MAGI2: variants seen among roughly 807,000 people sequenced by gnomAD.
MAGI2 encodes membrane associated guanylate kinase, WW and PDZ domain containing 2.
In MAGI2, 35 loss-of-function variants were observed where a neutral mutation model predicts 133.3. The ratio of observed to expected loss-of-function variants is 0.26; its 90% CI spans 0.20 to 0.35. The LOEUF is 0.35. MAGI2 is among the 10% of genes least tolerant of loss of function. The probability of loss-of-function intolerance (pLI) is 1.00; values close to 1 mark genes in which losing one functional copy is unlikely to be tolerated. For missense variants in MAGI2, 1,636 were observed against 1,863.4 expected, an observed-to-expected ratio of 0.88 and a Z score of 2.25; for synonymous variants, 729 against 710.6, an observed-to-expected ratio of 1.03 and a Z score of -0.41.
At chr7:78,835,341 A>G (rs1791521431) in intron 2 of MAGI2, among the ~76,000 whole-genome samples, 1 of 152,244 alleles carries the variant, frequency 6.6e-6, no homozygotes, top group South Asian at 2.1e-4. Flanking sequence ...AAGTAATTAC[A>G]TAATTCTATA....
In MAGI2 at chr7:78,284,253, A is replaced by ATTTTT. The variant is rs571746740; in HGVS notation, c.1409-27677_1409-27673dup. Among the ~76,000 whole-genome samples, 35 of 152,116 alleles carry ATTTTT rather than the reference A, an allele frequency of 2.3e-4. No homozygotes were observed. The East Asian group carries it at 6.4e-3, about 28-fold the overall frequency. On this transcript the variant is annotated intron_variant, in intron 9 of 21. Coordinates refer to ENST00000354212, the MANE Select transcript of MAGI2 (RefSeq NM_012301.4). ...TTTTTTTAAGAACCAGTTTCTAGTTATTTTTTGACATTTTAAATATGAAAA... is the reference window on the plus strand; with the variant it reads ...TTTTTTTAAGAACCAGTTTCTAGTTATTTTTTTTTTTGACATTTTAAATATGAAAA...
At chr7:78,800,892 C>G (rs180943052) in intron 2 of MAGI2, among the ~76,000 whole-genome samples, 1 of 152,076 alleles carries the variant, frequency 6.6e-6, no homozygotes, top group Non-Finnish European at 1.5e-5. Context: ...CTTACCTGAC[C>G]ATGAATGGCA....
At chr7:79,224,805 A>T (rs566710183) in intron 1 of MAGI2, among the ~76,000 whole-genome samples, 5 of 152,312 alleles carry the variant, frequency 3.3e-5, no homozygotes, top group Admixed American at 3.3e-4. Context: ...GGTCACCAGG[A>T]ACTGAGGTAG....
At chr7:78,627,851 G>A (rs1330930799) in intron 2 of MAGI2, among the ~76,000 whole-genome samples, 1 of 152,140 alleles carries the variant, frequency 6.6e-6, no homozygotes, top group Non-Finnish European at 1.5e-5. Context: ...GTGTGAGGCT[G>A]GGAATATAGT....
intron 20 of MAGI2, among the ~76,000 whole-genome samples, chr7:78,112,721 A>G (rs1267640120): frequency 6.6e-6 from 1 of 152,218 alleles, no homozygotes; most frequent in Non-Finnish European, 1.5e-5. Context: ...CCCCAGGTAC[A>G]CAGCCCTGGG....
chr7:78,125,300 T>C (rs1464313223), intron 20 of MAGI2, among the ~76,000 whole-genome samples: 1 of 152,102 alleles, frequency 6.6e-6, no homozygotes, highest in African/African-American at 2.4e-5. Flanking sequence ...CGCAAAACCA[T>C]GTGATTAATC....
chr7:78,375,602 GTTC>G (rs765666586), intron 6 of MAGI2, among the ~76,000 whole-genome samples: 1 of 151,920 alleles, frequency 6.6e-6, no homozygotes, highest in Non-Finnish European at 1.5e-5. Flanking sequence ...AAAATTTGAG[GTTC>G]TTGTTTGATT....
chr7:78,077,076 G>C (rs181558015), intron 21 of MAGI2, among the ~76,000 whole-genome samples: 1 of 152,040 alleles, frequency 6.6e-6, no homozygotes, highest in Non-Finnish European at 1.5e-5. Flanking sequence ...CTGAGAAAGC[G>C]GGGACCAATA....
intron 1 of MAGI2, among the ~76,000 whole-genome samples, chr7:79,189,591 T>A (rs888590581): frequency 9.9e-5 from 15 of 151,812 alleles, no homozygotes; most frequent in African/African-American, 3.1e-4. Flanking sequence ...CAATATGTTA[T>A]ATTTGTTATA....
chr7:78,796,081 T>G (rs2151378349), intron 2 of MAGI2, among the ~76,000 whole-genome samples: 1 of 152,084 alleles, frequency 6.6e-6, no homozygotes, highest in South Asian at 2.1e-4. Flanking sequence ...TGGGGAAAAA[T>G]TTTTGGGGTG....
intron 21 of MAGI2, among the ~76,000 whole-genome samples, chr7:78,020,911 C>T (rs1193486220): frequency 6.6e-6 from 1 of 151,956 alleles, no homozygotes; most frequent in Non-Finnish European, 1.5e-5. Context: ...TATGGAGGGC[C>T]CCAGGACTAA....
chr7:79,389,217 A>G (rs10485956), intron 1 of MAGI2, among the ~76,000 whole-genome samples: 7,230 of 152,114 alleles, frequency 0.048, 342 homozygotes, highest in East Asian at 0.18. Flanking sequence ...TAATTTTAAC[A>G]TTGACAGATA....
At chr7:78,899,417 A>AT (rs2151589136) in intron 2 of MAGI2, among the ~76,000 whole-genome samples, 1 of 152,294 alleles carries the variant, frequency 6.6e-6, no homozygotes, top group East Asian at 1.9e-4. Context: ...CCTTGATGTG[A>AT]TGGAAGGAAA....
intron 1 of MAGI2, among the ~76,000 whole-genome samples, chr7:79,214,920 T>G (rs1220777199): frequency 6.8e-6 from 1 of 146,948 alleles, no homozygotes; most frequent in Non-Finnish European, 1.5e-5. Flanking sequence ...TATTTATAAA[T>G]TTCTATGATA....
intron 2 of MAGI2, among the ~76,000 whole-genome samples, chr7:78,956,507 C>T (rs529596156): frequency 6.6e-6 from 1 of 152,218 alleles, no homozygotes; most frequent in South Asian, 2.1e-4. Context: ...AAATCCTTTT[C>T]ATATTATCTT....
chr7:79,125,314 G>A (rs1365375437), intron 1 of MAGI2: 10 of 462,800 alleles, frequency 2.2e-5, no homozygotes, highest in African/African-American at 4.0e-5. Context: ...TCTAGCCAGA[G>A]GTTGGCATGG....
At chr7:78,172,845 T>G (rs537503535) in intron 14 of MAGI2, among the ~76,000 whole-genome samples, 12 of 152,282 alleles carry the variant, frequency 7.9e-5, no homozygotes, top group Middle Eastern at 3.4e-3. Context: ...GTGGAAAAGC[T>G]GGAAGGAAAG....
chr7:79,211,397 C>A (rs1829482843), intron 1 of MAGI2, among the ~76,000 whole-genome samples: 1 of 151,950 alleles, frequency 6.6e-6, no homozygotes, highest in Admixed American at 6.6e-5. Context: ...CTCACGTCAG[C>A]CTCCTGCGTA....
At chr7:79,283,861 A>T (rs890654550) in intron 1 of MAGI2, among the ~76,000 whole-genome samples, 1 of 152,120 alleles carries the variant, frequency 6.6e-6, no homozygotes, top group Non-Finnish European at 1.5e-5. Flanking sequence ...TCAACAATGG[A>T]TCACACAGAT....
Sources: gnomAD v4.1 joint callset for allele counts (sites outside exome capture counted in the v4.1 genomes callset) on GRCh38, gnomAD v4.1.1 for gene constraint, MANE v1.5 for transcripts, NCBI Gene and HGNC (gene_info 2026-07-23, HGNC 2026-07-21) for gene names.